The following CLOCK variants were observed in gnomAD, a reference collection of about 807,000 sequenced individuals.
CLOCK encodes the protein circadian locomoter output cycles protein kaput.
Under a neutral mutation model 118.4 loss-of-function variants are expected in CLOCK, and 43 were observed. The observed-to-expected ratio is 0.36, with a 90% confidence interval of 0.28 to 0.47. The LOEUF is 0.47. Among genes scored for constraint, CLOCK ranks in the 20% least tolerant of loss-of-function variants. The pLI is 1.00. For synonymous variants in CLOCK, 326 were observed against 339.2 expected, an observed-to-expected ratio of 0.96 and a Z score of 0.43; for missense variants, 846 against 999.9, an observed-to-expected ratio of 0.85 and a Z score of 2.08.
At chr4:55,448,590 GCGCA>G (rs201717317) in intron 18 of CLOCK, among the ~76,000 whole-genome samples, 185 bp downstream of exon 18, 75 of 81,012 alleles carry the variant, frequency 9.3e-4, no homozygotes, top group East Asian at 4.0e-3. Context: ...ATGTGCGCGC[GCGCA>G]CGCGCGCGTG....
At chr4:55,438,078 GCA>G (rs1296425445) in intron 22 of CLOCK, among the ~76,000 whole-genome samples, 2 of 152,128 alleles carry the variant, frequency 1.3e-5, no homozygotes, top group Non-Finnish European at 2.9e-5. Context: ...ATGCCCAATG[GCA>G]CGTCTAAAGT....
rs751788165 is a variant in CLOCK, at chr4:55,482,769, C to T, written c.17G>A (p.Ser6Asn). The change falls in exon 4 of 23, where the codon AGC (serine) becomes AAC (asparagine). Residue 6 changes from serine (S) to asparagine (N), a missense_variant. Around this residue, in one of 4 missense-constraint regions of CLOCK, gnomAD observed 246 missense variants for 300.2 expected, o/e 0.82. Transcript: ENST00000513440. The part of the protein sequence containing the change: MLFTV[S>N]CSKMSSIVDR... Reference sequence around the variant, plus strand: ...AACAATCGAGCTCATTTTACTACAGCTTACGGTAAACAACATAACATACTA... The same window carrying T: ...AACAATCGAGCTCATTTTACTACAGTTTACGGTAAACAACATAACATACTA... The T allele has an allele frequency of 6.2e-7, 1 of 1,610,068 alleles. No homozygotes were observed.
intron 1 of CLOCK, among the ~76,000 whole-genome samples, chr4:55,514,834 C>G (rs182939995): frequency 5.3e-5 from 8 of 152,216 alleles, no homozygotes; most frequent in African/African-American, 1.9e-4. Context: ...TATTGGTCTA[C>G]AGTTTTCTTT....
intron 2 of CLOCK, among the ~76,000 whole-genome samples, chr4:55,496,766 C>T (rs562358561): frequency 3.9e-5 from 6 of 152,258 alleles, no homozygotes; most frequent in African/African-American, 1.4e-4. Flanking sequence ...TTACTGTACA[C>T]AGACTCCTTA....
chr4:55,465,299 C>G (rs2109831072), intron 8 of CLOCK, among the ~76,000 whole-genome samples: 1 of 152,152 alleles, frequency 6.6e-6, no homozygotes, highest in Admixed American at 6.5e-5. Context: ...CATGTAAATA[C>G]AACACCATTT....
At chr4:55,532,353 CAAAT>C (rs1730606121) in intron 1 of CLOCK, among the ~76,000 whole-genome samples, 1 of 151,918 alleles carries the variant, frequency 6.6e-6, no homozygotes, top group South Asian at 2.1e-4. Context: ...AGAAGGCACT[CAAAT>C]AAGAAAGAAA....
At chr4:55,498,692 C>T (rs1447425609) in intron 2 of CLOCK, among the ~76,000 whole-genome samples, 2 of 151,892 alleles carry the variant, frequency 1.3e-5, no homozygotes, top group East Asian at 1.9e-4. Context: ...AGGCCAAGAC[C>T]ATATCTCAAT....
At chr4:55,439,585 A>G (rs893189018) in intron 21 of CLOCK, among the ~76,000 whole-genome samples, 1 of 152,210 alleles carries the variant, frequency 6.6e-6, no homozygotes, top group African/African-American at 2.4e-5. Flanking sequence ...AGCATTATTC[A>G]CAGGAGCCAA....
chr4:55,535,463 T>G (rs550458895), intron 1 of CLOCK, among the ~76,000 whole-genome samples: 2 of 152,054 alleles, frequency 1.3e-5, no homozygotes, highest in African/African-American at 4.8e-5. Flanking sequence ...TCCTAATAAT[T>G]TGGAAGGTCA....
intron 18 of CLOCK, among the ~76,000 whole-genome samples, chr4:55,447,744 TTAAA>T (rs1192755631): frequency 6.6e-6 from 1 of 150,990 alleles, no homozygotes; most frequent in African/African-American, 2.5e-5. Flanking sequence ...ATGACTTAAA[TTAAA>T]TAACCATATA....
At chr4:55,541,204 T>C (rs1442989200) in intron 1 of CLOCK, among the ~76,000 whole-genome samples, 1 of 152,216 alleles carries the variant, frequency 6.6e-6, no homozygotes, top group Non-Finnish European at 1.5e-5. Flanking sequence ...TCACAGAAGT[T>C]ACACCTAATA....
At chr4:55,482,680 T>G in intron 4 of CLOCK, 59 bp downstream of exon 4, 2 of 1,153,470 alleles carry the variant, frequency 1.7e-6, no homozygotes, top group South Asian at 2.8e-5. Context: ...AGACCATTAT[T>G]CTAATAGTGC....
rs1472808545 is a variant in CLOCK, at chr4:55,482,835, T to C, written c.-43-7A>G. ...GTAGACATTTGTACTTCTCCTTAGG[T>C]GAAAAGAAAAATAAATGGTCATTAG... is the stretch of plus-strand genomic sequence containing the variant. On this transcript the variant is annotated splice_region_variant and splice_polypyrimidine_tract_variant and intron_variant, in intron 3 of 22. Coordinates refer to ENST00000513440, the MANE Select transcript of CLOCK (RefSeq NM_004898.4). 1 of 1,354,408 alleles carries C rather than the reference T, an allele frequency of 7.4e-7. No individual in the cohort carries two copies. Among genetic ancestry groups the C allele is most frequent in the African/African-American group, 1.4e-5 (1 of 69,162 alleles). The allele number at this position is 1,354,408 out of a possible 1,614,324, so 83.9% of individuals were successfully genotyped here. A position where few individuals can be genotyped will look rare whatever the true frequency, so the allele number is the denominator to read the frequency against.
intron 1 of CLOCK, among the ~76,000 whole-genome samples, chr4:55,542,150 G>C (rs546614846): frequency 6.9e-6 from 1 of 144,614 alleles, no homozygotes; most frequent in Non-Finnish European, 1.5e-5. Flanking sequence ...AGACCAGCCC[G>C]GCCAACATGG....
At chr4:55,531,240 A>AATAGCCCC (rs1225031259) in intron 1 of CLOCK, among the ~76,000 whole-genome samples, 6 of 152,158 alleles carry the variant, frequency 3.9e-5, no homozygotes, top group African/African-American at 1.4e-4. Context: ...AGAAAAAAAA[A>AATAGCCCC]ATAGCCCCAG....
chr4:55,437,250 G>C (rs1722955247), intron 22 of CLOCK, among the ~76,000 whole-genome samples: 1 of 152,138 alleles, frequency 6.6e-6, no homozygotes, highest in South Asian at 2.1e-4. Context: ...ATTTATGCCT[G>C]AATATAGAGT....
intron 1 of CLOCK, among the ~76,000 whole-genome samples, chr4:55,510,370 T>TG (rs757458414): frequency 1.6e-4 from 24 of 152,138 alleles, no homozygotes; most frequent in Non-Finnish European, 3.1e-4. Flanking sequence ...CTCATGCCTG[T>TG]GATCCCAGCA....
intron 1 of CLOCK, among the ~76,000 whole-genome samples, chr4:55,526,466 T>C (rs1032205256): frequency 2.6e-5 from 4 of 152,194 alleles, no homozygotes; most frequent in South Asian, 2.1e-4. Flanking sequence ...ACTTACAGAA[T>C]ATTCTTGTTA....
At chr4:55,499,669 T>C (rs1285713902) in intron 2 of CLOCK, among the ~76,000 whole-genome samples, 1 of 152,170 alleles carries the variant, frequency 6.6e-6, no homozygotes, top group East Asian at 1.9e-4. Context: ...GTACCAATCG[T>C]TGTTTCAGTT....
Sources: allele counts gnomAD v4.1 joint callset (sites outside exome capture counted in the v4.1 genomes callset), GRCh38; gene constraint gnomAD v4.1.1; regional missense constraint gnomAD v4.1.1; transcripts MANE v1.5; gene names NCBI Gene and HGNC (gene_info 2026-07-23, HGNC 2026-07-21).